The following KANTR variants were observed in gnomAD, a reference collection of about 807,000 sequenced individuals.
The protein encoded by KANTR is KANTR integral membrane protein.
rs1362729881 is a variant in KANTR, at chrX:53,104,813, T to C, written c.-805+5205T>C. ...CAGTTGGTCAGTTCAGTTGCTTTCA[T>C]GTTGGCCAATATGACTAATATTTCT... On this transcript the variant is annotated intron_variant, in intron 2 of 2. Coordinates refer to ENST00000604062, the Ensembl canonical transcript of KANTR. 3.6e-5 allele frequency among the ~76,000 whole-genome samples: 4 copies of C among 111,824 alleles called. No individual in the cohort carries two copies. The Admixed American group carries it at 3.8e-4, about 11-fold the overall frequency.
downstream of KANTR, among the ~76,000 whole-genome samples, chrX:53,145,594 G>A (rs1165041024): frequency 1.8e-5 from 2 of 112,283 alleles, no homozygotes; most frequent in Admixed American, 1.9e-4. Context: ...CCAAACAAAA[G>A]GCAGCAGAAT....
intron 2 of KANTR, among the ~76,000 whole-genome samples, chrX:53,133,139 G>A (rs1452207096): frequency 1.0e-4 from 11 of 109,975 alleles, no homozygotes; most frequent in African/African-American, 3.3e-4. Context: ...AGGCCGAGGC[G>A]GGAAGATTGC....
At position 53,116,272 on chromosome X, in the gene KANTR, C is replaced by T. The variant is rs782035639; in HGVS notation, c.-804-7197C>T. The stretch of plus-strand genomic sequence containing the variant: ...TTCCAACCCTTGCCAAGAGGATCTG[C>T]GTAAGAAAGCATTGCCTTCAAAGTC... On this transcript the variant is annotated intron_variant, in intron 2 of 2. Coordinates refer to ENST00000604062, the Ensembl canonical transcript of KANTR. Among the ~76,000 whole-genome samples the T allele has an allele frequency of 7.1e-5, 8 of 112,077 alleles. No individual in the cohort carries two copies. The South Asian group carries it at 2.6e-3, about 36-fold the overall frequency.
chrX:53,118,740 G>A (rs1275555942), intron 2 of KANTR, among the ~76,000 whole-genome samples: 4 of 100,880 alleles, frequency 4.0e-5, no homozygotes, highest in Non-Finnish European at 6.1e-5. Flanking sequence ...GAGCCTAGGC[G>A]GCAGAACTAG....
downstream of KANTR, chrX:53,143,014 C>A: frequency 8.5e-7 from 1 of 1,180,561 alleles, no homozygotes; most frequent in Middle Eastern, 2.4e-4. Flanking sequence ...CATGGTGGTG[C>A]TGCTGGACAG....
chrX:53,136,812 C>T (rs1556817752), intron 2 of KANTR, among the ~76,000 whole-genome samples: 1 of 90,863 alleles, frequency 1.1e-5, no homozygotes, highest in Non-Finnish European at 2.2e-5. Context: ...GGCACAATCT[C>T]GGCTTACCGC....
intron 2 of KANTR, chrX:53,113,256 C>T (rs1489137006): frequency 1.0e-5 from 2 of 193,716 alleles, no homozygotes; most frequent in African/African-American, 6.3e-5. Flanking sequence ...ACCAGCACCA[C>T]TTTCCCAGGT....
chrX:53,133,745 A>G (rs955353233), intron 2 of KANTR, among the ~76,000 whole-genome samples: 1 of 111,645 alleles, frequency 9.0e-6, no homozygotes, highest in Non-Finnish European at 1.9e-5. Flanking sequence ...CTGTCAAACC[A>G]TATGGTAACC....
At chrX:53,145,497 C>T (rs1933561810), downstream of KANTR, among the ~76,000 whole-genome samples, 1 of 111,888 alleles carries the variant, frequency 8.9e-6, no homozygotes, top group Admixed American at 9.4e-5. Context: ...GGTAAAGCGG[C>T]CCGGAAGCTC....
chrX:53,133,141 G>T (rs782614779), intron 2 of KANTR, among the ~76,000 whole-genome samples: 4 of 110,206 alleles, frequency 3.6e-5, no homozygotes, highest in African/African-American at 9.9e-5. Context: ...GCCGAGGCGG[G>T]AAGATTGCTT....
intron 2 of KANTR, among the ~76,000 whole-genome samples, chrX:53,132,858 G>A (rs1162071513): frequency 9.0e-6 from 1 of 111,651 alleles, no homozygotes; most frequent in Non-Finnish European, 1.9e-5. Flanking sequence ...TGTACACAGG[G>A]CAACACGATG....
chrX:53,115,790 C>A (rs143710817), intron 2 of KANTR, among the ~76,000 whole-genome samples: 2 of 112,678 alleles, frequency 1.8e-5, no homozygotes, highest in Non-Finnish European at 3.8e-5. Flanking sequence ...TTTTCCTACC[C>A]TCTTCAATGT....
At chrX:53,129,954 C>T (rs1367491037), downstream of KANTR, among the ~76,000 whole-genome samples, 1 of 109,550 alleles carries the variant, frequency 9.1e-6, no homozygotes, top group East Asian at 2.8e-4. Context: ...TCAACCTTCG[C>T]CTCCTGGGTT....
downstream of KANTR, chrX:53,143,203 C>A: frequency 1.4e-6 from 1 of 708,660 alleles, no homozygotes; most frequent in Non-Finnish European, 2.3e-6. Flanking sequence ...TCAGGCAGCT[C>A]ATAGCTCTTC....
chrX:53,126,154 A>G (rs781857338), exon 3 of KANTR: 1 of 110,275 alleles, frequency 9.1e-6, no homozygotes, highest in South Asian at 3.8e-4. Context: ...GGGGTCCTGC[A>G]GTTTTACTCT....
chrX:53,145,112 T>A (rs782086123), downstream of KANTR, among the ~76,000 whole-genome samples: 3 of 111,493 alleles, frequency 2.7e-5, no homozygotes, highest in Non-Finnish European at 5.7e-5. Flanking sequence ...AACTTCCAAC[T>A]GAGGTACCAG....
intron 2 of KANTR, among the ~76,000 whole-genome samples, chrX:53,136,031 A>G (rs1412037226): frequency 1.8e-5 from 2 of 111,910 alleles, no homozygotes; most frequent in South Asian, 3.7e-4. Flanking sequence ...TGGGTCTGTC[A>G]TCATGATCAG....
intron 2 of KANTR, among the ~76,000 whole-genome samples, chrX:53,099,810 A>G (rs1556811514): frequency 8.9e-6 from 1 of 112,390 alleles, no homozygotes; most frequent in Non-Finnish European, 1.9e-5. Context: ...GTACATCTCC[A>G]TCAGAGCTCT....
intron 2 of KANTR, among the ~76,000 whole-genome samples, chrX:53,104,911 G>C (rs1203007146): frequency 2.7e-5 from 3 of 109,380 alleles, no homozygotes; most frequent in Admixed American, 9.8e-5. Flanking sequence ...TTGAGACAGG[G>C]TCTCACTCTG....
Sources: allele counts gnomAD v4.1 joint callset (sites outside exome capture counted in the v4.1 genomes callset), GRCh38; gene constraint gnomAD v4.1.1; transcripts MANE v1.5; gene names NCBI Gene and HGNC (gene_info 2026-07-23, HGNC 2026-07-21).